The following CD276 variants were observed in gnomAD, a reference collection of about 807,000 sequenced individuals.
The protein encoded by CD276 is CD276 molecule, also known as CD276 antigen.
In CD276, 34 loss-of-function variants were observed where a neutral mutation model predicts 50.0. That is an observed-to-expected ratio of 0.68 (90% confidence interval 0.52 to 0.91). The LOEUF (loss-of-function observed/expected upper bound fraction) is 0.91, where lower values mean the gene tolerates loss of function less well. CD276 is among the 40% of genes least tolerant of loss of function. The pLI is 0.00. For synonymous variants in CD276, 275 were observed against 313.0 expected (o/e 0.88, Z 1.28); for missense variants, 634 against 717.5 (o/e 0.88, Z 1.33).
At chr15:73,699,398 C>A (rs921339043) in intron 1 of CD276, among the ~76,000 whole-genome samples, 188 bp from the exon 2 acceptor site, 1 of 152,306 alleles carries the variant, frequency 6.6e-6, no homozygotes, top group Admixed American at 6.5e-5. Flanking sequence ...CCTGTCAGGC[C>A]TCCCCAGGGA....
intron 7 of CD276, among the ~76,000 whole-genome samples, chr15:73,709,269 G>A (rs549244178): frequency 6.6e-6 from 1 of 152,022 alleles, no homozygotes; most frequent in Non-Finnish European, 1.5e-5. Context: ...GGTGTGTGGC[G>A]GGGGCTCCAG....
At chr15:73,696,656 G>A (rs184634211) in intron 1 of CD276, among the ~76,000 whole-genome samples, 32 of 152,312 alleles carry the variant, frequency 2.1e-4, no homozygotes, top group Middle Eastern at 3.4e-3. Flanking sequence ...TCTGATCAGG[G>A]GAGGTGCCCT....
intron 1 of CD276, among the ~76,000 whole-genome samples, chr15:73,693,896 G>T (rs1163203088): frequency 7.3e-6 from 1 of 137,012 alleles, no homozygotes; most frequent in African/African-American, 2.7e-5. Context: ...GTGTGTATGC[G>T]GTGGGTGGGG....
intron 7 of CD276, 41 bp downstream of exon 7, chr15:73,708,514 A>G (rs1335604865): frequency 3.1e-6 from 5 of 1,587,878 alleles, no homozygotes; most frequent in African/African-American, 1.3e-5. Context: ...ATGCACACTT[A>G]TGTGTCTTGG....
rs769369150 is a variant in CD276, at chr15:73,704,442, C to A, written c.1339C>A (p.Gln447Lys). ...SCLVRNPVLQQDAHGSVTITG... is the reference protein window; with the variant it reads ...SCLVRNPVLQKDAHGSVTITG... ...CCTGGTGCGCAACCCCGTGCTGCAG[C>A]AGGATGCGCACGGCTCTGTCACCAT... Residue 447 changes from glutamine (Q) to lysine (K), a missense_variant, in exon 6 of 10, where the codon CAG (glutamine) becomes AAG (lysine). Gln to Lys is a moderately conservative substitution (Grantham distance 53). Coordinates refer to ENST00000318443, the MANE Select transcript of CD276 (RefSeq NM_001024736.2). This position sits in a 1 kb window ranked among gnomAD's most constrained non-coding sequence, Gnocchi z 4.1. The A allele has an allele frequency of 1.5e-5, 25 of 1,613,664 alleles. No individual in the cohort carries two copies. Among genetic ancestry groups the A allele is most frequent in the Admixed American group, 5.0e-5 (3 of 59,970 alleles).
In CD276 at chr15:73,689,520, C is replaced by A. The variant is rs567824957; in HGVS notation, c.-55+5060C>A. ...CTGTTCCCAGGGAACTCTAGGGACC[C>A]TCCCATCTCTTTTCTGAGGCTGCTG... is the stretch of plus-strand genomic sequence containing the variant. On this transcript the variant is annotated intron_variant, in intron 1 of 9. Transcript: ENST00000318443. 2.0e-5 allele frequency among the ~76,000 whole-genome samples: 3 copies of A among 152,226 alleles called. No homozygotes were observed. In the East Asian group the frequency reaches 5.8e-4, roughly 29 times the overall value.
At chr15:73,705,934 A>G (rs928492653) in intron 6 of CD276, among the ~76,000 whole-genome samples, 9 of 152,228 alleles carry the variant, frequency 5.9e-5, no homozygotes, top group African/African-American at 2.2e-4. Context: ...AAACTTGAGT[A>G]GCTAACATTT....
At chr15:73,707,668 C>T (rs1359437574) in intron 6 of CD276, among the ~76,000 whole-genome samples, 4 of 152,210 alleles carry the variant, frequency 2.6e-5, no homozygotes, top group Non-Finnish European at 2.9e-5. Context: ...GTTCCTCCTC[C>T]GCCTTCCCCC....
chr15:73,710,245 C>T (rs1010372502), intron 8 of CD276, among the ~76,000 whole-genome samples: 2 of 152,228 alleles, frequency 1.3e-5, no homozygotes, highest in African/African-American at 2.4e-5. Context: ...TAAGACAATA[C>T]TGTTCTAGTT....
intron 1 of CD276, chr15:73,684,719 AC>A (rs1443957220): frequency 1.3e-5 from 2 of 151,718 alleles, no homozygotes; most frequent in Non-Finnish European, 2.9e-5. Context: ...CCCGGATCCT[AC>A]CCCGCCCCCC....
At chr15:73,700,798 T>G (rs1030383949) in intron 2 of CD276, among the ~76,000 whole-genome samples, 2 of 129,670 alleles carry the variant, frequency 1.5e-5, no homozygotes, top group African/African-American at 2.9e-5. Context: ...TCCCACATTT[T>G]GAGTGTGCCT....
intron 1 of CD276, among the ~76,000 whole-genome samples, chr15:73,693,237 T>G (rs58672855): frequency 0.016 from 2,403 of 152,228 alleles, 32 homozygotes; most frequent in South Asian, 0.073. Context: ...TCAGATGATA[T>G]TCATTCATTC....
In CD276 at chr15:73,713,184, C is replaced by T. The variant is rs1900979853; in HGVS notation, c.*228C>T. The T allele has an allele frequency of 1.9e-6, 1 of 516,052 alleles. No individual in the cohort carries two copies. The highest frequency in any genetic ancestry group is 3.2e-5 in the East Asian group (1 of 31,458). The allele number at this position is 516,052 out of a possible 1,614,324, so 32.0% of individuals were successfully genotyped here. A position where few individuals can be genotyped will look rare whatever the true frequency, so the allele number is the denominator to read the frequency against. On this transcript the variant is annotated 3_prime_UTR_variant, in exon 10 of 10. Transcript: ENST00000318443. The stretch of plus-strand genomic sequence containing the variant: ...CTTATAGACACAATGAACAGACCAC[C>T]CACAACCTTAGTTCTCTAAGTCATC...
chr15:73,712,266 C>G (rs557957891), intron 9 of CD276: 1 of 152,496 alleles, frequency 6.6e-6, no homozygotes, highest in South Asian at 2.1e-4. Flanking sequence ...AGGCAGCCTG[C>G]CCCCTCAGTC....
At position 73,703,926 on chromosome 15, in the gene CD276, A is replaced by G. The variant is rs1256281568; in HGVS notation, c.1001A>G (p.Asp334Gly). ...AGGCTGCAGCGCGTGCGTGTGGCGG[A>G]CGAGGGCAGCTTCACCTGCTTCGTG... ...SLRLQRVRVA[D>G]EGSFTCFVSI... Residue 334 changes from aspartate to glycine, a missense_variant, in exon 5 of 10, where the codon GAC (aspartate) becomes GGC (glycine). Coordinates refer to ENST00000318443, the MANE Select transcript of CD276 (RefSeq NM_001024736.2). 6.2e-7 allele frequency: 1 copy of G among 1,613,256 alleles called. No individual in the cohort carries two copies. The highest frequency in any genetic ancestry group is 2.2e-5 in the East Asian group (1 of 44,874).
rs747908389 is a variant in CD276, at chr15:73,699,616, A to C, written c.-24A>C. The C allele has an allele frequency of 6.2e-7, 1 of 1,612,302 alleles. No homozygotes were observed. Among genetic ancestry groups the C allele is most frequent in the South Asian group, 1.1e-5 (1 of 90,724 alleles). ...GGCAGCCTTCCACCACGGGGAGCCC[A>C]GCTGTCAGCCGCCTCACAGGAAGAT... is the stretch of plus-strand genomic sequence containing the variant. On this transcript the variant is annotated 5_prime_UTR_variant, in exon 2 of 10. Coordinates refer to ENST00000318443, the MANE Select transcript of CD276 (RefSeq NM_001024736.2).
rs1220559662 is a variant in CD276, at chr15:73,713,980, T to G, written c.*1024T>G. ...ACTAACTACACTGCACCCTGCGGTT[T>G]GCAGGGGGCTCCTGCCTGGCTCCCT... is the stretch of plus-strand genomic sequence containing the variant. On this transcript the variant is annotated 3_prime_UTR_variant, in exon 10 of 10. Coordinates refer to ENST00000318443, the MANE Select transcript of CD276 (RefSeq NM_001024736.2). The G allele has an allele frequency of 1.6e-5, 5 of 316,730 alleles. No individual in the cohort carries two copies. The highest frequency in any genetic ancestry group is 2.4e-5 in the Non-Finnish European group (4 of 169,328). The allele number at this position is 316,730 out of a possible 1,614,324, so 19.6% of individuals were successfully genotyped here.
chr15:73,713,720 C>G lies in CD276; in HGVS notation c.*764C>G, dbSNP rs749705856. On this transcript the variant is annotated 3_prime_UTR_variant, in exon 10 of 10. Coordinates refer to ENST00000318443, the MANE Select transcript of CD276 (RefSeq NM_001024736.2). ...TGCCCCTCTCCCCTGCCCATCCTCC[C>G]CACGGAAGCATGTGCTGGTCACACT... is the stretch of plus-strand genomic sequence containing the variant. The G allele has an allele frequency of 6.3e-5, 27 of 428,654 alleles. No individual in the cohort carries two copies. The highest frequency in any genetic ancestry group is 1.8e-5 in the Non-Finnish European group (4 of 216,304). The allele number at this position is 428,654 out of a possible 1,614,324, so 26.6% of individuals were successfully genotyped here.
chr15:73,709,537 G>A (rs1316362790), intron 7 of CD276, 111 bp from the exon 8 acceptor site: 12 of 1,051,818 alleles, frequency 1.1e-5, no homozygotes, highest in Non-Finnish European at 1.8e-5. Context: ...CCGCAGGTCA[G>A]GCCCACTCAG....
Sources: allele counts gnomAD v4.1 joint callset (sites outside exome capture counted in the v4.1 genomes callset), GRCh38; gene constraint gnomAD v4.1.1; non-coding constraint Gnocchi (gnomAD v3.1); transcripts MANE v1.5; gene names NCBI Gene and HGNC (gene_info 2026-07-23, HGNC 2026-07-21).